The following TBCCD1 variants were observed in gnomAD, a reference collection of about 807,000 sequenced individuals.
TBCCD1 encodes TBCC domain containing 1, also known as TBCC domain-containing protein 1.
TBCCD1 carries 26 observed loss-of-function variants against 53.4 expected under a neutral mutation model. The observed-to-expected ratio is 0.49, with a 90% CI of 0.36 to 0.68. TBCCD1 has a LOEUF of 0.68. TBCCD1 is among the 30% of genes least tolerant of loss of function. The probability of loss-of-function intolerance (pLI) is 0.00; values close to 1 mark genes in which losing one functional copy is unlikely to be tolerated. For missense variants in TBCCD1, 558 were observed against 669.5 expected, an observed-to-expected ratio of 0.83 and a Z score of 1.84; for synonymous variants, 245 against 241.7, an observed-to-expected ratio of 1.01 and a Z score of -0.13.
In TBCCD1 at chr3:186,547,763, C is replaced by T. The variant is rs577721916; in HGVS notation, c.*22-808G>A. 2.3e-4 allele frequency among the ~76,000 whole-genome samples: 35 copies of T among 152,066 alleles called. 2 individuals are homozygous for T. In the South Asian group the frequency reaches 5.4e-3, roughly 23 times the overall value. ...CTGGGACTACAGGCACCTGCCACCA[C>T]GCCCGGCTAATTTTTTGTATTTTTT... On this transcript the variant is annotated intron_variant, in intron 7 of 7. Transcript: ENST00000338733.
chr3:186,570,294 A>T (rs1714978549), upstream of TBCCD1: 3 of 547,916 alleles, frequency 5.5e-6, no homozygotes, highest in East Asian at 8.7e-5. Context: ...CTGCTCCCTC[A>T]TTCGGAGCGT....
In TBCCD1 at chr3:186,567,096, C is replaced by G. The variant is rs557481340; in HGVS notation, c.-44+171G>C. 3.9e-5 allele frequency among the ~76,000 whole-genome samples: 6 copies of G among 152,352 alleles called. No individual in the cohort carries two copies. The South Asian group carries it at 1.2e-3, about 32-fold the overall frequency. On this transcript the variant is annotated intron_variant, in intron 1 of 7. Coordinates refer to ENST00000338733, the MANE Select transcript of TBCCD1 (RefSeq NM_018138.5). ...CTTGGACGCGATCCGGGGTGGGACTCTGCGTGGGCCGCCCCAGCGTCGCGA... is the reference window on the plus strand; with the variant it reads ...CTTGGACGCGATCCGGGGTGGGACTGTGCGTGGGCCGCCCCAGCGTCGCGA...
upstream of TBCCD1, among the ~76,000 whole-genome samples, chr3:186,568,024 T>C (rs547477132): frequency 6.6e-6 from 1 of 152,234 alleles, no homozygotes. Flanking sequence ...TTATGGCCTC[T>C]CTAGGTGTGA....
chr3:186,562,892 A>G (rs1050746929), intron 2 of TBCCD1, among the ~76,000 whole-genome samples: 3 of 151,572 alleles, frequency 2.0e-5, no homozygotes, highest in South Asian at 2.1e-4. Context: ...CCCTTCTGTT[A>G]TAAGAATGGG....
intron 2 of TBCCD1, among the ~76,000 whole-genome samples, chr3:186,561,466 G>C (rs1309490083): frequency 6.6e-6 from 1 of 152,210 alleles, no homozygotes; most frequent in Non-Finnish European, 1.5e-5. Context: ...CTGGTACACT[G>C]TCAGTGAGAA....
intron 7 of TBCCD1, 27 bp from the exon 8 acceptor site, chr3:186,546,982 A>C (rs1192348694): frequency 6.6e-6 from 1 of 152,168 alleles, no homozygotes; most frequent in Non-Finnish European, 1.5e-5. Context: ...AAATAATATT[A>C]ATCACTTAAT....
chr3:186,565,761 G>T (rs959116936), intron 1 of TBCCD1, among the ~76,000 whole-genome samples: 4 of 152,030 alleles, frequency 2.6e-5, no homozygotes, highest in Non-Finnish European at 5.9e-5. Flanking sequence ...TCTGCATTAC[G>T]AATTATTTCT....
Position 186,567,337 on chromosome 3 carries a change from C to G in TBCCD1, c.-114G>C, listed in dbSNP as rs1012899855. ...GCGCCCGGCGTCCGCTCGCTGGGCC[C>G]GCCCCTCACCCTCCTCCGCGCGCCG... On this transcript the variant is annotated 5_prime_UTR_variant, in exon 1 of 8. Coordinates refer to ENST00000338733, the MANE Select transcript of TBCCD1 (RefSeq NM_018138.5). 6.6e-6 allele frequency: 1 copy of G among 152,482 alleles called. No homozygotes were observed. Among genetic ancestry groups the G allele is most frequent in the African/African-American group, 2.4e-5 (1 of 41,438 alleles). The allele number at this position is 152,482 out of a possible 1,614,324, so 9.4% of individuals were successfully genotyped here.
At chr3:186,555,374 G>C (rs1156399657) in intron 4 of TBCCD1, among the ~76,000 whole-genome samples, 1 of 152,098 alleles carries the variant, frequency 6.6e-6, no homozygotes, top group African/African-American at 2.4e-5. Flanking sequence ...TTCAAGTTAA[G>C]GTCTATGCCT....
At chr3:186,548,843 G>T (rs1008673153) in intron 7 of TBCCD1, among the ~76,000 whole-genome samples, 1 of 152,078 alleles carries the variant, frequency 6.6e-6, no homozygotes, top group Admixed American at 6.5e-5. Flanking sequence ...AAAACAAAGA[G>T]AGTAGATTTT....
intron 6 of TBCCD1, chr3:186,553,247 G>A (rs1714429756): frequency 6.6e-6 from 1 of 152,196 alleles, no homozygotes; most frequent in Non-Finnish European, 1.5e-5. Context: ...ACATGTAAGA[G>A]AATCTAAGCA....
At chr3:186,565,267 C>T (rs572343556) in intron 1 of TBCCD1, among the ~76,000 whole-genome samples, 2 of 152,146 alleles carry the variant, frequency 1.3e-5, no homozygotes, top group Non-Finnish European at 2.9e-5. Flanking sequence ...TCCACCACCA[C>T]ACCTGGCTAA....
chr3:186,558,488 C>T lies in TBCCD1; in HGVS notation c.421G>A (p.Glu141Lys), dbSNP rs760573172. The change falls in exon 3 of 8, where the codon GAA becomes AAA. Residue 141 changes from glutamate (E) to lysine (K), a missense_variant. Glu to Lys is a moderately conservative substitution (Grantham distance 56). Transcript: ENST00000338733. ...TTGTTTCTGGGACTGGGCCACTCTT[C>T]GCCAATCAAAGATGTCCTTAGGGAG... ...KVSLRTSLIG[E>K]EWPSPRNKSQ... The T allele has an allele frequency of 7.4e-6, 12 of 1,614,178 alleles. No individual in the cohort carries two copies. The highest frequency in any genetic ancestry group is 1.0e-5 in the Non-Finnish European group (12 of 1,180,024).
chr3:186,557,374 G>C (rs1292582398), intron 3 of TBCCD1, among the ~76,000 whole-genome samples: 3 of 152,152 alleles, frequency 2.0e-5, no homozygotes. Flanking sequence ...ATGAATGGAG[G>C]CTACCTTGGC....
intron 1 of TBCCD1, among the ~76,000 whole-genome samples, chr3:186,566,592 C>G (rs1050171160): frequency 1.3e-5 from 2 of 152,216 alleles, no homozygotes; most frequent in African/African-American, 4.8e-5. Context: ...GGATTCAGGT[C>G]TGACTTGAGA....
At chr3:186,556,255 T>A (rs1404306773) in intron 4 of TBCCD1, among the ~76,000 whole-genome samples, 154 bp downstream of exon 4, 1 of 152,150 alleles carries the variant, frequency 6.6e-6, no homozygotes, top group African/African-American at 2.4e-5. Flanking sequence ...AGAGAAAAAG[T>A]CATGCACAAA....
chr3:186,554,714 C>CA lies in TBCCD1; in HGVS notation c.1083dup (p.Val362CysfsTer15). On this transcript the variant is annotated frameshift_variant, in exon 6 of 8. Coordinates refer to ENST00000338733, the MANE Select transcript of TBCCD1 (RefSeq NM_018138.5). LOFTEE classifies it high-confidence loss of function. ...AGTGTAGTCCCTACAGGGCCCAAGA[C>CA]AAAGATGCTATTCCTGCACTTCTCA... 6.2e-7 allele frequency: 1 copy of CA among 1,613,992 alleles called. No homozygotes were observed. Among genetic ancestry groups the CA allele is most frequent in the Non-Finnish European group, 8.5e-7 (1 of 1,179,992 alleles).
Position 186,556,697 on chromosome 3 carries a change from GT to G in TBCCD1, c.570del (p.Lys190AsnfsTer14). The G allele has an allele frequency of 6.2e-7, 1 of 1,614,158 alleles. No individual in the cohort carries two copies. Among genetic ancestry groups the G allele is most frequent in the Non-Finnish European group, 8.5e-7 (1 of 1,180,034 alleles). Reference protein sequence around the residue: ...SDLLELLLDPKQLTASFHSTH... With the variant: ...SDLLELLLDPXQLTASFHSTH... ...GTTGAATGAAATGATGCAGTGAGTT[GT>G]TTTGGATCTAAAAGCAGCTCGAGGA... is the stretch of plus-strand genomic sequence containing the variant. On this transcript the variant is annotated frameshift_variant, in exon 4 of 8. Coordinates refer to ENST00000338733, the MANE Select transcript of TBCCD1 (RefSeq NM_018138.5). LOFTEE classifies it high-confidence loss of function.
At chr3:186,570,193 C>G (rs1328470131), upstream of TBCCD1, 1 of 688,220 alleles carries the variant, frequency 1.5e-6, no homozygotes, top group Non-Finnish European at 2.7e-6. Context: ...TATGGAGTTG[C>G]TTGGAGAACG....
Sources: allele counts gnomAD v4.1 joint callset (sites outside exome capture counted in the v4.1 genomes callset), GRCh38; gene constraint gnomAD v4.1.1; transcripts MANE v1.5; gene names NCBI Gene and HGNC (gene_info 2026-07-23, HGNC 2026-07-21).